The following VPS4B variants were observed in gnomAD, a reference collection of about 807,000 sequenced individuals.
VPS4B encodes vacuolar protein sorting-associated protein 4B.
VPS4B carries 23 observed loss-of-function variants against 56.1 expected under a neutral mutation model. The observed-to-expected ratio is 0.41, with a 90% CI of 0.30 to 0.58. VPS4B has a LOEUF of 0.58. VPS4B is among the 20% of genes least tolerant of loss of function. The pLI is 0.29. For synonymous variants in VPS4B, 177 were observed against 186.0 expected, an observed-to-expected ratio of 0.95 and a Z score of 0.39; for missense variants, 372 against 531.9, an observed-to-expected ratio of 0.70 and a Z score of 2.96.
At position 63,400,690 on chromosome 18, in the gene VPS4B, A is replaced by G. The variant is rs764703864; in HGVS notation, c.498T>C (p.Pro166=). ...GCCCAAATAATAGGATTCCCCTCCA[A>G]GGTGTTCTCTTGCCTAAAATTTAGA... ...FPHLFTGKRT[P]WRGILLFGPP... Residue 166 remains proline (P), a synonymous_variant, in exon 6 of 11, where the codon CCT becomes CCC. Transcript: ENST00000238497. The G allele has an allele frequency of 6.2e-7, 1 of 1,601,832 alleles. No homozygotes were observed. The highest frequency in any genetic ancestry group is 8.5e-7 in the Non-Finnish European group (1 of 1,177,322).
chr18:63,400,776 C>T (rs1358474437), intron 5 of VPS4B, 73 bp from the exon 6 acceptor site: 2 of 1,428,000 alleles, frequency 1.4e-6, no homozygotes, highest in Admixed American at 2.5e-5. Context: ...GAGGAATACT[C>T]TGGAAAGATT....
intron 10 of VPS4B, 109 bp downstream of exon 10, chr18:63,393,300 G>T: frequency 9.6e-7 from 1 of 1,045,576 alleles, no homozygotes; most frequent in Non-Finnish European, 1.3e-6. Context: ...ACAATATTAA[G>T]TAAAATACAC....
intron 9 of VPS4B, among the ~76,000 whole-genome samples, chr18:63,394,832 G>C (rs543110238): frequency 6.3e-4 from 96 of 152,282 alleles, no homozygotes; most frequent in African/African-American, 2.0e-3. Flanking sequence ...TATTAGTGTA[G>C]ATGTGAAGAA....
chr18:63,418,990 T>G (rs1168420910), intron 1 of VPS4B, among the ~76,000 whole-genome samples: 1 of 152,130 alleles, frequency 6.6e-6, no homozygotes, highest in African/African-American at 2.4e-5. Flanking sequence ...TAGAACCAAA[T>G]TATTTTGCTC....
chr18:63,421,937 G>A (rs911605338), intron 1 of VPS4B, among the ~76,000 whole-genome samples: 3 of 152,158 alleles, frequency 2.0e-5, no homozygotes, highest in African/African-American at 4.8e-5. Flanking sequence ...TTCTTTCTCC[G>A]TTAACCCTGA....
intron 8 of VPS4B, among the ~76,000 whole-genome samples, chr18:63,398,010 G>A (rs967489567): frequency 4.6e-5 from 7 of 151,964 alleles, no homozygotes; most frequent in Admixed American, 4.6e-4. Context: ...GATAAAAGTG[G>A]CAAAAACTGA....
intron 8 of VPS4B, among the ~76,000 whole-genome samples, chr18:63,398,204 C>CACACACATATATATATATATATATATAT (rs1298374245): frequency 5.3e-5 from 6 of 112,440 alleles, no homozygotes; most frequent in African/African-American, 2.0e-4. Flanking sequence ...CACACACACA[C>CACACACATATATATATATATATATATAT]ATATATATAT....
In VPS4B at chr18:63,413,670, T is replaced by C. The variant is rs562189347; in HGVS notation, c.28-2092A>G. On this transcript the variant is annotated intron_variant, in intron 1 of 10. Coordinates refer to ENST00000238497, the MANE Select transcript of VPS4B (RefSeq NM_004869.4). ...AGAAATAGGTGCCAGTAAAAAAAAA[T>C]GAAAATTGACAGTTGTTAGAGATAT... Among the ~76,000 whole-genome samples, 26 of 151,184 alleles carry C rather than the reference T, an allele frequency of 1.7e-4. No homozygotes were observed. The East Asian group carries it at 3.1e-3, about 18-fold the overall frequency.
Position 63,422,215 on chromosome 18 carries a change from G to C in VPS4B, c.27+18C>G, listed in dbSNP as rs773429498. 2.7e-6 allele frequency: 4 copies of C among 1,506,970 alleles called. No individual in the cohort carries two copies. Among genetic ancestry groups the C allele is most frequent in the Non-Finnish European group, 3.6e-6 (4 of 1,126,232 alleles). 93.3% of individuals were successfully genotyped at this position (1,506,970 alleles called of 1,614,324 possible). ...TCGATCCCAGCTCCCTAGGGGGACG[G>C]GAGATGAGCAATGATACCTGGAGGT... On this transcript the variant is annotated intron_variant, in intron 1 of 10. Transcript: ENST00000238497.
chr18:63,411,407 A>G, intron 2 of VPS4B, 60 bp downstream of exon 2: 2 of 1,233,658 alleles, frequency 1.6e-6, no homozygotes, highest in Non-Finnish European at 2.1e-6. Flanking sequence ...TTTTTTAGAA[A>G]TGAAACAGAA....
intron 10 of VPS4B, among the ~76,000 whole-genome samples, chr18:63,393,053 GA>G (rs1470014437): frequency 2.0e-5 from 3 of 152,096 alleles, no homozygotes; most frequent in Non-Finnish European, 4.4e-5. Context: ...AAAAATCTGA[GA>G]TGCAGGGGAA....
rs1568084680 is a variant in VPS4B, at chr18:63,398,225, T to TATATATA, written c.873-973_873-972insTATATAT. Among the ~76,000 whole-genome samples, 246 of 55,016 alleles carry TATATATA rather than the reference T, an allele frequency of 4.5e-3. 2 individuals carry two copies. The highest frequency in any genetic ancestry group is 0.01 in the African/African-American group (216 of 21,006). 36.1% of individuals were successfully genotyped at this position (55,016 alleles called of 152,430 possible). A position where few individuals can be genotyped will look rare whatever the true frequency, so the allele number is the denominator to read the frequency against. On this transcript the variant is annotated intron_variant, in intron 8 of 10. Transcript: ENST00000238497. ...CACACATATATATATATATATATAT[T>TATATATA]TTTTTTTGAGATGGAGTCTCACTCT...
chr18:63,420,126 A>G (rs1916261027), intron 1 of VPS4B, among the ~76,000 whole-genome samples: 1 of 152,206 alleles, frequency 6.6e-6, no homozygotes, highest in South Asian at 2.1e-4. Flanking sequence ...GATTCACTGA[A>G]GAACAGCCAA....
At chr18:63,422,164 C>G (rs951671879) in intron 1 of VPS4B, 69 bp downstream of exon 1, 2 of 1,407,850 alleles carry the variant, frequency 1.4e-6, no homozygotes, top group African/African-American at 3.0e-5. Context: ...TTCTCCCCGC[C>G]CCCCACCCGC....
intron 1 of VPS4B, among the ~76,000 whole-genome samples, chr18:63,419,958 T>C (rs1384608306): frequency 1.3e-5 from 2 of 152,232 alleles, no homozygotes; most frequent in Admixed American, 1.3e-4. Context: ...AGGAAGTTAA[T>C]CACTACATGA....
chr18:63,410,102 G>A (rs1464792829), intron 3 of VPS4B, among the ~76,000 whole-genome samples, 188 bp downstream of exon 3: 1 of 152,208 alleles, frequency 6.6e-6, no homozygotes, highest in African/African-American at 2.4e-5. Context: ...CGGCACGAAA[G>A]CAGCCCTAGA....
chr18:63,393,639 A>G, intron 9 of VPS4B, 90 bp from the exon 10 acceptor site: 1 of 1,241,210 alleles, frequency 8.1e-7, no homozygotes, highest in Non-Finnish European at 1.0e-6. Flanking sequence ...AATGTATAAT[A>G]GTTTTGTATG....
rs1259500886 is a variant in VPS4B, at chr18:63,411,378, G to GCA, written c.139+88_139+89insTG. On this transcript the variant is annotated intron_variant, in intron 2 of 10. Transcript: ENST00000238497. ...TTTAACAAATGGATCGTTTAGAATT[G>GCA]TCTGGCATTATATTTCAATTTTTTA... is the stretch of plus-strand genomic sequence containing the variant. The GCA allele has an allele frequency of 3.4e-6, 3 of 890,136 alleles. No individual in the cohort carries two copies. In the African/African-American group the frequency reaches 5.2e-5, roughly 15 times the overall value. The allele number at this position is 890,136 out of a possible 1,614,324, so 55.1% of individuals were successfully genotyped here. A position where few individuals can be genotyped will look rare whatever the true frequency, so the allele number is the denominator to read the frequency against.
chr18:63,410,468 G>T (rs780261293), intron 2 of VPS4B, 22 bp from the exon 3 acceptor site: 1 of 1,605,754 alleles, frequency 6.2e-7, no homozygotes, highest in Non-Finnish European at 8.5e-7. Context: ...AAATGAGAGA[G>T]ATTTTTTTCC....
Sources: allele counts gnomAD v4.1 joint callset (sites outside exome capture counted in the v4.1 genomes callset), GRCh38; gene constraint gnomAD v4.1.1; transcripts MANE v1.5; gene names NCBI Gene and HGNC (gene_info 2026-07-23, HGNC 2026-07-21).